The following SUSD5 variants were observed in gnomAD, a reference collection of about 807,000 sequenced individuals.
SUSD5 encodes the protein sushi domain-containing protein 5.
SUSD5 carries 33 observed loss-of-function variants against 29.5 expected under a neutral mutation model. The ratio of observed to expected loss-of-function variants is 1.12; its 90% CI spans 0.85 to 1.49. SUSD5 has a LOEUF of 1.49. SUSD5 is among the 40% of genes most tolerant of loss of function. SUSD5 has a pLI of 0.00. For synonymous variants in SUSD5, 308 were observed against 325.3 expected (o/e 0.95, Z 0.57); for missense variants, 776 against 800.6 (o/e 0.97, Z 0.37).
At chr3:33,159,621 T>A (rs2031132174) in intron 4 of SUSD5, among the ~76,000 whole-genome samples, 1 of 152,114 alleles carries the variant, frequency 6.6e-6, no homozygotes, top group African/African-American at 2.4e-5. Context: ...CTTGAAAATA[T>A]CTAAGTGTTC....
intron 3 of SUSD5, among the ~76,000 whole-genome samples, chr3:33,199,192 T>C (rs2032054047): frequency 6.6e-6 from 1 of 151,306 alleles, no homozygotes; most frequent in African/African-American, 2.4e-5. Context: ...CCTTCAGATG[T>C]CTTTTTTTCT....
At chr3:33,194,378 C>G (rs2031955145) in intron 3 of SUSD5, among the ~76,000 whole-genome samples, 1 of 152,158 alleles carries the variant, frequency 6.6e-6, no homozygotes, top group South Asian at 2.1e-4. Flanking sequence ...TAAATGGGCT[C>G]TATCTGAGCA....
At chr3:33,214,545 C>G (rs1443275728) in intron 1 of SUSD5, among the ~76,000 whole-genome samples, 1 of 152,108 alleles carries the variant, frequency 6.6e-6, no homozygotes, top group African/African-American at 2.4e-5. Context: ...CAGGTTGCTT[C>G]CCTTCTCTCT....
In SUSD5 at chr3:33,151,167, T is replaced by C. The variant is rs1458087318; in HGVS notation, c.*1575A>G. 6.6e-6 allele frequency: 1 copy of C among 152,170 alleles called. No individual in the cohort carries two copies. The highest frequency in any genetic ancestry group is 1.5e-5 in the Non-Finnish European group (1 of 68,034). 9.4% of individuals were successfully genotyped at this position (152,170 alleles called of 1,614,324 possible). On this transcript the variant is annotated 3_prime_UTR_variant, in exon 5 of 5. Transcript: ENST00000309558. The stretch of plus-strand genomic sequence containing the variant: ...CAACAGGCTCTCAAACTTGAGTGCA[T>C]ATCAAAATCACCTGGAGGGCTTGTT...
In SUSD5 at chr3:33,154,304, C is replaced by T. The variant is rs1374744877; in HGVS notation, c.599-271G>A. On this transcript the variant is annotated intron_variant, in intron 4 of 4. Transcript: ENST00000309558. ...TTGGGAGGCCTAGGCAGGTGGATCA[C>T]TTGAAGCCAGGAGTTCGAGACCAGC... 3.3e-5 allele frequency among the ~76,000 whole-genome samples: 5 copies of T among 152,176 alleles called. No individual in the cohort carries two copies. In the East Asian group the frequency reaches 5.8e-4, roughly 18 times the overall value.
intron 2 of SUSD5, among the ~76,000 whole-genome samples, chr3:33,212,173 T>C (rs2032334923): frequency 6.6e-6 from 1 of 152,174 alleles, no homozygotes; most frequent in Non-Finnish European, 1.5e-5. Context: ...TCACTCTCAA[T>C]TATGTGTGTC....
chr3:33,156,658 C>T (rs1377502799), intron 4 of SUSD5, among the ~76,000 whole-genome samples: 1 of 152,188 alleles, frequency 6.6e-6, no homozygotes, highest in Non-Finnish European at 1.5e-5. Flanking sequence ...TTCGGAAGAA[C>T]AAAATGCACA....
chr3:33,192,501 G>A (rs370770598), intron 3 of SUSD5, among the ~76,000 whole-genome samples: 3 of 151,510 alleles, frequency 2.0e-5, no homozygotes, highest in African/African-American at 7.3e-5. Context: ...CAATCTATAA[G>A]ATATCTACAT....
chr3:33,172,002 C>T (rs1379512494), intron 4 of SUSD5, among the ~76,000 whole-genome samples: 1 of 152,118 alleles, frequency 6.6e-6, no homozygotes, highest in East Asian at 1.9e-4. Context: ...CACCTAGGAT[C>T]CTGCCAAATG....
chr3:33,187,792 A>C (rs1256433154), intron 3 of SUSD5, among the ~76,000 whole-genome samples: 2 of 148,088 alleles, frequency 1.4e-5, no homozygotes, highest in African/African-American at 5.0e-5. Context: ...TCCTAATGCT[A>C]TCCTTCCCCC....
chr3:33,214,222 T>G (rs1575547402), intron 1 of SUSD5, 117 bp from the exon 2 acceptor site: 1 of 902,840 alleles, frequency 1.1e-6, no homozygotes, highest in Non-Finnish European at 1.6e-6. Context: ...AAGGCCCAAG[T>G]GCAGCAACTA....
chr3:33,207,036 G>T (rs567588260), intron 3 of SUSD5, among the ~76,000 whole-genome samples: 2 of 151,964 alleles, frequency 1.3e-5, no homozygotes, highest in African/African-American at 2.4e-5. Context: ...ACAACCGTAT[G>T]TGTTTCTGAT....
At chr3:33,212,602 C>A (rs1176058899) in intron 2 of SUSD5, among the ~76,000 whole-genome samples, 1 of 152,192 alleles carries the variant, frequency 6.6e-6, no homozygotes, top group Non-Finnish European at 1.5e-5. Context: ...CTAGAGGCAT[C>A]TTCATTCACA....
intron 4 of SUSD5, 137 bp downstream of exon 4, chr3:33,174,749 C>T: frequency 1.1e-6 from 1 of 905,208 alleles, no homozygotes; most frequent in Non-Finnish European, 1.6e-6. Flanking sequence ...AGGTCCAGAG[C>T]TCAGGATAAA....
At position 33,167,486 on chromosome 3, in the gene SUSD5, G is replaced by T. The variant is rs1465998181; in HGVS notation, c.598+7400C>A. ...GTATGTGTGTGTGTGTCTCTGTATG[G>T]GTGTCTAAGGTTCTGCCTCCAGAGC... On this transcript the variant is annotated intron_variant, in intron 4 of 4. Coordinates refer to ENST00000309558, the MANE Select transcript of SUSD5 (RefSeq NM_015551.2). The surrounding 1 kb of genome is among the most constrained non-coding windows in gnomAD (Gnocchi z 4.1). Among the ~76,000 whole-genome samples the T allele has an allele frequency of 6.6e-6, 1 of 151,880 alleles. No homozygotes were observed. Among genetic ancestry groups the T allele is most frequent in the Non-Finnish European group, 1.5e-5 (1 of 67,960 alleles).
chr3:33,201,526 G>A (rs987505312), intron 3 of SUSD5, among the ~76,000 whole-genome samples: 14 of 152,212 alleles, frequency 9.2e-5, no homozygotes, highest in African/African-American at 2.9e-4. Flanking sequence ...CTTGGCATTC[G>A]TGGAAGCTGG....
chr3:33,154,628 A>G (rs1234856366), intron 4 of SUSD5, among the ~76,000 whole-genome samples: 3 of 152,248 alleles, frequency 2.0e-5, no homozygotes, highest in Admixed American at 2.0e-4. Context: ...GTATTTCTAA[A>G]TATTGTCAAT....
chr3:33,206,057 C>T (rs2032212868), intron 3 of SUSD5, among the ~76,000 whole-genome samples: 1 of 152,092 alleles, frequency 6.6e-6, no homozygotes, highest in Non-Finnish European at 1.5e-5. Flanking sequence ...GGATATGACC[C>T]TCTGTTTATG....
At chr3:33,158,650 G>A (rs960471410) in intron 4 of SUSD5, among the ~76,000 whole-genome samples, 1 of 152,136 alleles carries the variant, frequency 6.6e-6, no homozygotes, top group African/African-American at 2.4e-5. Flanking sequence ...CATATTCTGC[G>A]GTACTGCAGA....
Sources: gnomAD v4.1 joint callset for allele counts (sites outside exome capture counted in the v4.1 genomes callset) on GRCh38, gnomAD v4.1.1 for gene constraint, Gnocchi (gnomAD v3.1) non-coding constraint, MANE v1.5 for transcripts, NCBI Gene and HGNC (gene_info 2026-07-23, HGNC 2026-07-21) for gene names.